The following FAM204A variants were observed in gnomAD, a reference collection of about 807,000 sequenced individuals.
FAM204A encodes family with sequence similarity 204 member A.
In FAM204A, 16 loss-of-function variants were observed where a neutral mutation model predicts 35.4. The ratio of observed to expected loss-of-function variants is 0.45; its 90% CI spans 0.31 to 0.69. FAM204A has a LOEUF of 0.69. Among genes scored for constraint, FAM204A ranks in the 30% least tolerant of loss-of-function variants. The pLI is 0.07. For missense variants in FAM204A, 240 were observed against 265.7 expected, an observed-to-expected ratio of 0.90 and a Z score of 0.67; for synonymous variants, 76 against 86.9, an observed-to-expected ratio of 0.88 and a Z score of 0.70.
At position 118,301,469 on chromosome 10, in the gene FAM204A, G is replaced by C. The variant is rs943527668; in HGVS notation, c.*9388C>G. 6.6e-6 allele frequency: 1 copy of C among 152,160 alleles called. No homozygotes were observed. The highest frequency in any genetic ancestry group is 1.5e-5 in the Non-Finnish European group (1 of 68,032). The allele number at this position is 152,160 out of a possible 1,614,324, so 9.4% of individuals were successfully genotyped here. On this transcript the variant is annotated 3_prime_UTR_variant, in exon 9 of 9. Transcript: ENST00000369183. ...ACTGCATGACTTTCATTCAAGAACA[G>C]GAACTCTGAGTTAGGAAACCGAATC... is the stretch of plus-strand genomic sequence containing the variant.
intron 6 of FAM204A, among the ~76,000 whole-genome samples, chr10:118,330,660 T>G (rs1018653592): frequency 6.6e-6 from 1 of 152,236 alleles, no homozygotes. Flanking sequence ...TACCTTCTTT[T>G]AGCTCTGAAA....
chr10:118,299,233 A>T lies in FAM204A; in HGVS notation c.*11624T>A, dbSNP rs964675397. ...TTTTCAGGTTCTTCCTTTGGGCAGT[A>T]CTGCTTAAGTGTTTTCATACCACTC... On this transcript the variant is annotated 3_prime_UTR_variant, in exon 9 of 9. Coordinates refer to ENST00000369183, the MANE Select transcript of FAM204A (RefSeq NM_022063.3). 1 of 152,066 alleles carries T rather than the reference A, an allele frequency of 6.6e-6. No homozygotes were observed. The highest frequency in any genetic ancestry group is 2.4e-5 in the African/African-American group (1 of 41,386). 9.4% of individuals were successfully genotyped at this position (152,066 alleles called of 1,614,324 possible). A position where few individuals can be genotyped will look rare whatever the true frequency, so the allele number is the denominator to read the frequency against.
chr10:118,329,595 G>T (rs774211040), intron 6 of FAM204A, among the ~76,000 whole-genome samples: 3 of 151,944 alleles, frequency 2.0e-5, no homozygotes, highest in Admixed American at 6.6e-5. Context: ...CCCACACCAG[G>T]CTCTCCACTC....
intron 6 of FAM204A, 103 bp from the exon 7 acceptor site, chr10:118,326,346 C>A (rs1024370354): frequency 1.1e-6 from 1 of 949,916 alleles, no homozygotes; most frequent in East Asian, 2.4e-5. Flanking sequence ...CACAAGTAGA[C>A]CATTAATTCT....
intron 7 of FAM204A, among the ~76,000 whole-genome samples, chr10:118,313,476 G>C (rs1845984195): frequency 6.6e-6 from 1 of 152,184 alleles, no homozygotes; most frequent in Non-Finnish European, 1.5e-5. Flanking sequence ...TTGGAAATGT[G>C]GAGGTACAGC....
chr10:118,335,281 G>T, intron 5 of FAM204A, 68 bp from the exon 6 acceptor site: 1 of 1,552,762 alleles, frequency 6.4e-7, no homozygotes, highest in Non-Finnish European at 8.8e-7. Flanking sequence ...TTTTTAATCG[G>T]TTACTACAAT....
chr10:118,333,200 G>T (rs964371088), intron 6 of FAM204A, among the ~76,000 whole-genome samples: 1 of 152,174 alleles, frequency 6.6e-6, no homozygotes, highest in African/African-American at 2.4e-5. Flanking sequence ...AAGACTGCAC[G>T]ATAGACACAT....
In FAM204A at chr10:118,303,624, C is replaced by T. The variant is rs1482980713; in HGVS notation, c.*7233G>A. On this transcript the variant is annotated 3_prime_UTR_variant, in exon 9 of 9. Coordinates refer to ENST00000369183, the MANE Select transcript of FAM204A (RefSeq NM_022063.3). ...GTCAAGAGATTGAGACCACCTTGGC[C>T]AACATAGTGAAACCCTGTCTCTACT... 1.3e-5 allele frequency: 2 copies of T among 152,254 alleles called. No homozygotes were observed. The highest frequency in any genetic ancestry group is 2.9e-5 in the Non-Finnish European group (2 of 68,164). The allele number at this position is 152,254 out of a possible 1,614,324, so 9.4% of individuals were successfully genotyped here. A position where few individuals can be genotyped will look rare whatever the true frequency, so the allele number is the denominator to read the frequency against.
At chr10:118,330,647 T>A (rs1206308755) in intron 6 of FAM204A, among the ~76,000 whole-genome samples, 5 of 152,260 alleles carry the variant, frequency 3.3e-5, no homozygotes, top group African/African-American at 1.2e-4. Context: ...AAATAAAATG[T>A]ACTACCTTCT....
chr10:118,327,060 C>G (rs1171437265), intron 6 of FAM204A, among the ~76,000 whole-genome samples: 1 of 152,124 alleles, frequency 6.6e-6, no homozygotes. Flanking sequence ...ATAGTTGCTA[C>G]AGATAATAAA....
intron 6 of FAM204A, among the ~76,000 whole-genome samples, chr10:118,326,569 G>A (rs189202568): frequency 6.6e-6 from 1 of 152,268 alleles, no homozygotes; most frequent in Non-Finnish European, 1.5e-5. Flanking sequence ...TTATTACGTG[G>A]CAGATTCTGG....
At chr10:118,318,162 A>C (rs1474895445) in intron 7 of FAM204A, among the ~76,000 whole-genome samples, 1 of 152,042 alleles carries the variant, frequency 6.6e-6, no homozygotes, top group Non-Finnish European at 1.5e-5. Context: ...GGTCTCCTAA[A>C]CTCTACTGCT....
chr10:118,336,989 A>C (rs1166634819), intron 2 of FAM204A, among the ~76,000 whole-genome samples: 1 of 152,228 alleles, frequency 6.6e-6, no homozygotes, highest in African/African-American at 2.4e-5. Context: ...CCTACTTTTT[A>C]GTTTAATACT....
rs185172708 is a variant in FAM204A at position 118,326,249 on chromosome 10, A to C, written c.454-6T>G. The C allele has an allele frequency of 2.2e-5, 36 of 1,610,170 alleles. No individual in the cohort carries two copies. The African/African-American group carries it at 4.0e-4, about 18-fold the overall frequency. On this transcript the variant is annotated splice_polypyrimidine_tract_variant and splice_region_variant and intron_variant, in intron 6 of 8. Coordinates refer to ENST00000369183, the MANE Select transcript of FAM204A (RefSeq NM_022063.3). ...ATCCTCTTTTCAAGGCCTGACTAGA[A>C]AAAAAAGAAACCTAAAATTAAGGGC...
At chr10:118,322,332 T>C in intron 7 of FAM204A, 1 of 456,090 alleles carries the variant, frequency 2.2e-6, no homozygotes, top group Non-Finnish European at 4.4e-6. Flanking sequence ...AGTAACACCA[T>C]CAGGAAAGGG....
chr10:118,310,926 C>A lies in FAM204A; in HGVS notation c.651-18G>T. 1.3e-6 allele frequency: 2 copies of A among 1,563,116 alleles called. No individual in the cohort carries two copies. The highest frequency in any genetic ancestry group is 1.7e-6 in the Non-Finnish European group (2 of 1,152,844). On this transcript the variant is annotated intron_variant, in intron 8 of 8. Coordinates refer to ENST00000369183, the MANE Select transcript of FAM204A (RefSeq NM_022063.3). The stretch of plus-strand genomic sequence containing the variant: ...CTTCAAACCTAAAAGGAAGAACATA[C>A]AAATCTCAATTTATTTCTTAAAAAA...
chr10:118,322,246 C>T (rs1163363719), intron 7 of FAM204A: 2 of 437,490 alleles, frequency 4.6e-6, no homozygotes, highest in East Asian at 7.1e-5. Context: ...CCACAAGACA[C>T]TTATTTATTC....
chr10:118,318,869 C>T (rs184615874), intron 7 of FAM204A, among the ~76,000 whole-genome samples: 1 of 151,338 alleles, frequency 6.6e-6, no homozygotes. Context: ...ATGTTTTGAA[C>T]TCCAGACACA....
rs987851488 is a variant in FAM204A at position 118,303,185 on chromosome 10, T to C, written c.*7672A>G. 2.6e-5 allele frequency: 4 copies of C among 152,242 alleles called. No individual in the cohort carries two copies. The highest frequency in any genetic ancestry group is 4.8e-5 in the African/African-American group (2 of 41,462). 9.4% of individuals were successfully genotyped at this position (152,242 alleles called of 1,614,324 possible). A position where few individuals can be genotyped will look rare whatever the true frequency, so the allele number is the denominator to read the frequency against. On this transcript the variant is annotated 3_prime_UTR_variant, in exon 9 of 9. Transcript: ENST00000369183. ...AACAAGTATAATGTGTCTTTGGCTT[T>C]CTTAGAGGAATAGTGCAAGAGCACT...
Sources: allele counts gnomAD v4.1 joint callset (sites outside exome capture counted in the v4.1 genomes callset), GRCh38; gene constraint gnomAD v4.1.1; transcripts MANE v1.5; gene names NCBI Gene and HGNC (gene_info 2026-07-23, HGNC 2026-07-21).